Variants in ZNF330 observed in about 807,000 individuals in gnomAD.
ZNF330 encodes the protein zinc finger protein 330.
Under a neutral mutation model 45.5 loss-of-function variants are expected in ZNF330, and 31 were observed. The ratio of observed to expected loss-of-function variants is 0.68; its 90% CI spans 0.51 to 0.92. ZNF330 has a LOEUF of 0.92. ZNF330 is among the 40% of genes least tolerant of loss of function. ZNF330 has a pLI of 0.00. For missense variants in ZNF330, 356 were observed against 387.4 expected, an observed-to-expected ratio of 0.92 and a Z score of 0.68; for synonymous variants, 138 against 123.2, an observed-to-expected ratio of 1.12 and a Z score of -0.79.
chr4:141,230,142 A>G (rs781640042), intron 6 of ZNF330, 24 bp from the exon 7 acceptor site: 3 of 1,488,794 alleles, frequency 2.0e-6, no homozygotes, highest in Non-Finnish European at 1.9e-6. Context: ...TCTTAATTAC[A>G]TTTGTGTTTT....
chr4:141,223,543 A>T (rs994672477), intron 2 of ZNF330, among the ~76,000 whole-genome samples: 1 of 152,176 alleles, frequency 6.6e-6, no homozygotes, highest in Admixed American at 6.5e-5. Context: ...GAAGGAAAGA[A>T]CTCTGAAAGG....
chr4:141,233,133 T>C (rs1728999037), intron 9 of ZNF330, among the ~76,000 whole-genome samples: 1 of 152,114 alleles, frequency 6.6e-6, no homozygotes, highest in African/African-American at 2.4e-5. Flanking sequence ...ATAAGCATGC[T>C]TATAGTAATG....
At chr4:141,222,286 G>A (rs2111244721) in intron 1 of ZNF330, 80 bp from the exon 2 acceptor site, 2 of 1,493,940 alleles carry the variant, frequency 1.3e-6, no homozygotes, top group South Asian at 2.6e-5. Flanking sequence ...AGGACACTTT[G>A]TTATACTATT....
At chr4:141,223,885 TAAGTA>T in intron 2 of ZNF330, 1 of 444,742 alleles carries the variant, frequency 2.2e-6, no homozygotes, top group South Asian at 1.6e-5. Context: ...AGTGTTCGAA[TAAGTA>T]AAGACATGGA....
chr4:141,233,572 A>G (rs2111262116), intron 9 of ZNF330, 143 bp from the exon 10 acceptor site: 2 of 1,333,318 alleles, frequency 1.5e-6, no homozygotes, highest in Non-Finnish European at 2.0e-6. Context: ...ATATAGACTC[A>G]GGTGAAAAAA....
In ZNF330 at chr4:141,226,846, G is replaced by T; in HGVS notation, c.291G>T (p.Val97=). The T allele has an allele frequency of 1.9e-6, 3 of 1,609,498 alleles. No homozygotes were observed. Among genetic ancestry groups the T allele is most frequent in the Non-Finnish European group, 2.5e-6 (3 of 1,177,186 alleles). Residue 97 remains valine (V), a splice_region_variant and synonymous_variant, in exon 5 of 10, where the codon GTG becomes GTT. Coordinates refer to ENST00000262990, the MANE Select transcript of ZNF330 (RefSeq NM_014487.6). ...AGVYSTGLAM[V]GAICDFCEAW... is the part of the protein sequence containing the mutation. ...TATACAGTACTGGCCTTGCAATGGT[G>T]GTAAGCTTCTTATTATCTCTTAGAC...
At chr4:141,222,035 ATTTGT>A (rs1476695088) in intron 1 of ZNF330, among the ~76,000 whole-genome samples, 1 of 152,156 alleles carries the variant, frequency 6.6e-6, no homozygotes, top group African/African-American at 2.4e-5. Context: ...TACATGATTC[ATTTGT>A]TTTAATGAGG....
chr4:141,223,812 T>C (rs750244806), intron 2 of ZNF330: 3 of 455,740 alleles, frequency 6.6e-6, no homozygotes, highest in South Asian at 4.7e-5. Flanking sequence ...AGGGGTACAC[T>C]TCACAGAAGA....
chr4:141,224,131 A>G lies in ZNF330; in HGVS notation c.121-356A>G, dbSNP rs189937122. 1.8e-3 allele frequency: 565 copies of G among 321,526 alleles called. 6 individuals carry two copies. Among genetic ancestry groups the G allele is most frequent in the South Asian group, 0.013 (330 of 26,024 alleles). The allele number at this position is 321,526 out of a possible 1,614,324, so 19.9% of individuals were successfully genotyped here. A position where few individuals can be genotyped will look rare whatever the true frequency, so the allele number is the denominator to read the frequency against. On this transcript the variant is annotated intron_variant, in intron 2 of 9. Transcript: ENST00000262990. ...AGGGTCACCCACTTCATTTGGAATA[A>G]TATGTGCTTAACGTTTCATAAGGCT... is the stretch of plus-strand genomic sequence containing the variant.
At chr4:141,226,222 TG>T (rs1728800568) in intron 4 of ZNF330, among the ~76,000 whole-genome samples, 1 of 152,110 alleles carries the variant, frequency 6.6e-6, no homozygotes, top group African/African-American at 2.4e-5. Context: ...TTCAAAATTT[TG>T]TTGGGAAAAT....
Position 141,232,583 on chromosome 4 carries a change from AGCC to A in ZNF330, c.630_632del (p.Gln210_Pro211delinsHis). ...GTGTTTAAGCAAGAAAAAGGAAAAC[AGCC>A]TCCTTGTCCTAAATGTGGGCATGAA... is the stretch of plus-strand genomic sequence containing the variant. On this transcript the variant is annotated inframe_deletion, in exon 9 of 10. Transcript: ENST00000262990. The A allele has an allele frequency of 6.2e-7, 1 of 1,601,332 alleles. No homozygotes were observed. The highest frequency in any genetic ancestry group is 8.5e-7 in the Non-Finnish European group (1 of 1,173,690).
rs907157231 is a variant in ZNF330, at chr4:141,221,040, C to T, written c.-75C>T. 1 of 152,316 alleles carries T rather than the reference C, an allele frequency of 6.6e-6. No individual in the cohort carries two copies. Among genetic ancestry groups the T allele is most frequent in the Non-Finnish European group, 1.5e-5 (1 of 68,118 alleles). 9.4% of individuals were successfully genotyped at this position (152,316 alleles called of 1,614,324 possible). A position where few individuals can be genotyped will look rare whatever the true frequency, so the allele number is the denominator to read the frequency against. On this transcript the variant is annotated 5_prime_UTR_variant, in exon 1 of 10. Coordinates refer to ENST00000262990, the MANE Select transcript of ZNF330 (RefSeq NM_014487.6). ...GGGTGGGCCTCACGCCATTCCCTGT[C>T]CCTCGGCCCCCTGAGTGAGTCCGGT...
chr4:141,220,583 T>G (rs890862362), upstream of ZNF330, among the ~76,000 whole-genome samples: 1 of 152,170 alleles, frequency 6.6e-6, no homozygotes, highest in Non-Finnish European at 1.5e-5. Context: ...GCACGCAAGA[T>G]GTAGAGGTGG....
At position 141,231,494 on chromosome 4, in the gene ZNF330, A is replaced by G; in HGVS notation, c.570+9A>G. On this transcript the variant is annotated intron_variant, in intron 8 of 9. Coordinates refer to ENST00000262990, the MANE Select transcript of ZNF330 (RefSeq NM_014487.6). ...CATGTCTCCGTTGTAAGGTATACCAATGCGTTTTTTTCTTTTTAGATTTTG... is the reference window on the plus strand; with the variant it reads ...CATGTCTCCGTTGTAAGGTATACCAGTGCGTTTTTTTCTTTTTAGATTTTG... The G allele has an allele frequency of 6.3e-7, 1 of 1,582,366 alleles. No individual in the cohort carries two copies.
intron 9 of ZNF330, 104 bp downstream of exon 9, chr4:141,232,746 G>C (rs1282956477): frequency 3.7e-6 from 2 of 538,366 alleles, no homozygotes; most frequent in Non-Finnish European, 6.2e-6. Context: ...CTTCTTATTT[G>C]AAAAGATGAA....
At chr4:141,224,191 G>A (rs1382599376) in intron 2 of ZNF330, among the ~76,000 whole-genome samples, 2 of 152,154 alleles carry the variant, frequency 1.3e-5, no homozygotes, top group African/African-American at 4.8e-5. Flanking sequence ...GATAGTTCTT[G>A]TGTTCATTCT....
chr4:141,226,630 A>G (rs1728810581), intron 4 of ZNF330, 137 bp from the exon 5 acceptor site: 3 of 592,850 alleles, frequency 5.1e-6, no homozygotes, highest in Non-Finnish European at 9.0e-6. Context: ...TAGTTATGTA[A>G]GCAGTAAATA....
intron 9 of ZNF330, among the ~76,000 whole-genome samples, chr4:141,233,044 C>T (rs1728996838): frequency 6.6e-6 from 1 of 151,908 alleles, no homozygotes; most frequent in Non-Finnish European, 1.5e-5. Context: ...GATATTTGAG[C>T]ACCTATGTTT....
intron 1 of ZNF330, among the ~76,000 whole-genome samples, chr4:141,221,523 C>G (rs555795047): frequency 6.6e-6 from 1 of 152,146 alleles, no homozygotes; most frequent in Non-Finnish European, 1.5e-5. Flanking sequence ...TAGATTTTGT[C>G]ATTTTACATA....
Sources: allele counts gnomAD v4.1 joint callset (sites outside exome capture counted in the v4.1 genomes callset), GRCh38; gene constraint gnomAD v4.1.1; transcripts MANE v1.5; gene names NCBI Gene and HGNC (gene_info 2026-07-23, HGNC 2026-07-21).